TCP11: variants seen among roughly 807,000 people sequenced by gnomAD.
TCP11 encodes T-complex protein 11 homolog.
A neutral mutation model predicts 45.0 loss-of-function variants in TCP11; 34 were observed. The ratio of observed to expected loss-of-function variants is 0.76; its 90% CI spans 0.57 to 1.01. The LOEUF (loss-of-function observed/expected upper bound fraction) is 1.01. TCP11 is among the 50% of genes least tolerant of loss of function. TCP11 has a pLI of 0.00. For missense variants in TCP11, 523 were observed against 598.1 expected (o/e 0.87, Z 1.31); for synonymous variants, 227 against 227.0 (o/e 1.00, Z 0.00).
Position 35,140,862 on chromosome 6 carries a change from G to A in TCP11, c.9C>T (p.Asp3=). Residue 3 remains aspartate, a synonymous_variant, in exon 2 of 10, where the codon GAC becomes GAT. Coordinates refer to ENST00000311875, the MANE Select transcript of TCP11 (RefSeq NM_001370687.1). MP[D]VKESVPPKYP... ...ATTTCGGGGGCACACTCTCCTTGACGTCTGGCATTTTGCTGATGGTATCTG... is the reference window on the plus strand; with the variant it reads ...ATTTCGGGGGCACACTCTCCTTGACATCTGGCATTTTGCTGATGGTATCTG... 3 of 1,577,768 alleles carry A rather than the reference G, an allele frequency of 1.9e-6. No homozygotes were observed. Among genetic ancestry groups the A allele is most frequent in the East Asian group, 2.3e-5 (1 of 44,122 alleles).
intron 5 of TCP11, among the ~76,000 whole-genome samples, chr6:35,121,846 T>C (rs1779293873): frequency 6.7e-6 from 1 of 149,986 alleles, no homozygotes; most frequent in Non-Finnish European, 1.5e-5. Flanking sequence ...GGGAAAGGGA[T>C]GTTTTAACTC....
At chr6:35,122,398 G>A in intron 4 of TCP11, 61 bp from the exon 5 acceptor site, 1 of 1,490,084 alleles carries the variant, frequency 6.7e-7, no homozygotes, top group Admixed American at 1.7e-5. Flanking sequence ...TTATCCAATG[G>A]GCAATCCCTT....
rs1009774807 is a variant in TCP11, at chr6:35,119,078, G to A, written c.1279+150C>T. ...CCACAGTTAGTCTTTAAACTGAGAC[G>A]GATATGATTTCAACCCAGCATTTTG... On this transcript the variant is annotated intron_variant, in intron 9 of 9. Coordinates refer to ENST00000311875, the MANE Select transcript of TCP11 (RefSeq NM_001370687.1). 9 of 996,372 alleles carry A rather than the reference G, an allele frequency of 9.0e-6. 1 individual carries two copies. Among genetic ancestry groups the A allele is most frequent in the South Asian group, 5.0e-5 (3 of 60,548 alleles). 61.7% of individuals were successfully genotyped at this position (996,372 alleles called of 1,614,324 possible).
intron 1 of TCP11, 42 bp downstream of exon 1, chr6:35,141,163 G>A: frequency 1.5e-6 from 2 of 1,324,266 alleles, no homozygotes; most frequent in Non-Finnish European, 1.9e-6. Context: ...CCCCTCGCCC[G>A]AAACGCCGGC....
intron 2 of TCP11, chr6:35,137,941 T>A: frequency 5.2e-6 from 2 of 384,286 alleles, no homozygotes. Context: ...TTTGAAAATG[T>A]AAAAAGGAAA....
At chr6:35,119,116 G>A in intron 9 of TCP11, 112 bp downstream of exon 9, 1 of 1,376,026 alleles carries the variant, frequency 7.3e-7, no homozygotes, top group East Asian at 2.3e-5. Flanking sequence ...AAAAATCAAG[G>A]CTAAACAATG....
At chr6:35,128,429 A>T (rs1780058151) in intron 4 of TCP11, 1 of 152,284 alleles carries the variant, frequency 6.6e-6, no homozygotes, top group Non-Finnish European at 1.5e-5. Flanking sequence ...CCTAAGACAG[A>T]GTATTACATG....
rs948531587 is a variant in TCP11 at position 35,120,720 on chromosome 6, C to A, written c.716-74G>T. 1 of 1,471,386 alleles carries A rather than the reference C, an allele frequency of 6.8e-7. No individual in the cohort carries two copies. Among genetic ancestry groups the A allele is most frequent in the African/African-American group, 1.4e-5 (1 of 71,232 alleles). The allele number at this position is 1,471,386 out of a possible 1,614,324, so 91.1% of individuals were successfully genotyped here. A position where few individuals can be genotyped will look rare whatever the true frequency, so the allele number is the denominator to read the frequency against. On this transcript the variant is annotated intron_variant, in intron 6 of 9. Coordinates refer to ENST00000311875, the MANE Select transcript of TCP11 (RefSeq NM_001370687.1). This position sits in a 1 kb window ranked among gnomAD's most constrained non-coding sequence, Gnocchi z 4.9. ...GAGGCTTCAAGACCAAGGTTCTTTT[C>A]AAGTATACTCCTGGTCAATAAATAA... is the stretch of plus-strand genomic sequence containing the variant.
chr6:35,138,313 A>G (rs7766770), intron 2 of TCP11, among the ~76,000 whole-genome samples: 27,343 of 152,202 alleles, frequency 0.18, 3,058 homozygotes, highest in African/African-American at 0.29. Context: ...ACTATTTATG[A>G]TAGCCAAGAT....
chr6:35,136,666 A>G (rs1781152052), intron 2 of TCP11, among the ~76,000 whole-genome samples: 2 of 73,202 alleles, frequency 2.7e-5, no homozygotes, highest in African/African-American at 1.1e-4. Context: ...TGCCAAAGTC[A>G]TTTGGTCTTC....
At position 35,141,189 on chromosome 6, in the gene TCP11, G is replaced by C. The variant is rs1400826080; in HGVS notation, c.-15+16C>G. On this transcript the variant is annotated intron_variant, in intron 1 of 9. Transcript: ENST00000311875. ...AAACGCCGGCCCAGGCCCGCCTCCG[G>C]CTCCCAGGCCGTCACCTCCTCCTCC... The C allele has an allele frequency of 5.8e-6, 8 of 1,387,506 alleles. No individual in the cohort carries two copies. The highest frequency in any genetic ancestry group is 3.1e-5 in the Admixed American group (1 of 32,616). The allele number at this position is 1,387,506 out of a possible 1,614,324, so 85.9% of individuals were successfully genotyped here. A position where few individuals can be genotyped will look rare whatever the true frequency, so the allele number is the denominator to read the frequency against.
chr6:35,140,816 T>G lies in TCP11; in HGVS notation c.55A>C (p.Arg19=), dbSNP rs200719262. Residue 19 remains arginine (R), a synonymous_variant, in exon 2 of 10, where the codon AGG becomes CGG. Coordinates refer to ENST00000311875, the MANE Select transcript of TCP11 (RefSeq NM_001370687.1). ...PPKYPGDSEG[R]SCKPETSGPP... ...CCTGAGGTTTCGGGCTTACAGGACC[T>G]GCCCTCTGAGTCGCCAGGATATTTC... The G allele has an allele frequency of 1.3e-6, 2 of 1,549,902 alleles. No homozygotes were observed. Among genetic ancestry groups the G allele is most frequent in the South Asian group, 1.3e-5 (1 of 78,546 alleles).
chr6:35,135,732 C>CA (rs1051374935), intron 3 of TCP11, among the ~76,000 whole-genome samples: 1 of 151,716 alleles, frequency 6.6e-6, no homozygotes, highest in Non-Finnish European at 1.5e-5. Context: ...ACCCTGCCTC[C>CA]AAAAAAATAA....
At chr6:35,133,773 A>G (rs1780728390) in intron 3 of TCP11, among the ~76,000 whole-genome samples, 1 of 152,068 alleles carries the variant, frequency 6.6e-6, no homozygotes, top group Non-Finnish European at 1.5e-5. Flanking sequence ...GCTTGGCGAC[A>G]AAGCGAGATT....
intron 4 of TCP11, among the ~76,000 whole-genome samples, chr6:35,127,276 G>A (rs111487475): frequency 1.1e-4 from 16 of 152,312 alleles, no homozygotes; most frequent in Admixed American, 1.0e-3. Flanking sequence ...CCACACAATG[G>A]GGGTAAGAAA....
chr6:35,120,139 A>G lies in TCP11; in HGVS notation c.1115+20T>C, dbSNP rs1473359630. 1.9e-6 allele frequency: 3 copies of G among 1,610,506 alleles called. No homozygotes were observed. In the Admixed American group the frequency reaches 5.0e-5, roughly 27 times the overall value. ...TACCACATATCACCTTCTACTCTAA[A>G]AAGTAACTATGCAGCTCACCTGGAG... On this transcript the variant is annotated intron_variant, in intron 8 of 9. Coordinates refer to ENST00000311875, the MANE Select transcript of TCP11 (RefSeq NM_001370687.1). This position sits in a 1 kb window ranked among gnomAD's most constrained non-coding sequence, Gnocchi z 4.9.
chr6:35,120,672 G>C lies in TCP11; in HGVS notation c.716-26C>G. ...CTATGACAGGTAAGGGAGTGTGTAA[G>C]CATCTTTAGCATCTTCATCTCTGAG... On this transcript the variant is annotated intron_variant, in intron 6 of 9. Transcript: ENST00000311875. The surrounding 1 kb of genome is among the most constrained non-coding windows in gnomAD (Gnocchi z 4.9). 6.3e-7 allele frequency: 1 copy of C among 1,587,864 alleles called. No individual in the cohort carries two copies. Among genetic ancestry groups the C allele is most frequent in the Non-Finnish European group, 8.6e-7 (1 of 1,164,008 alleles).
chr6:35,121,100 GA>G (rs1420641977), intron 5 of TCP11, 55 bp from the exon 6 acceptor site: 30 of 1,519,154 alleles, frequency 2.0e-5, no homozygotes, highest in African/African-American at 4.1e-5. Flanking sequence ...CCCACCCAAG[GA>G]GTCATTAAAT....
At chr6:35,134,126 C>A (rs1038917855) in intron 3 of TCP11, among the ~76,000 whole-genome samples, 1 of 152,054 alleles carries the variant, frequency 6.6e-6, no homozygotes. Flanking sequence ...CAAGATAACC[C>A]CAAAGATCTC....
Sources: allele counts gnomAD v4.1 joint callset (sites outside exome capture counted in the v4.1 genomes callset), GRCh38; gene constraint gnomAD v4.1.1; non-coding constraint Gnocchi (gnomAD v3.1); transcripts MANE v1.5; gene names NCBI Gene and HGNC (gene_info 2026-07-23, HGNC 2026-07-21).